LIPA: variants seen among roughly 807,000 people sequenced by gnomAD.
The protein encoded by LIPA is lipase A, lysosomal acid type.
In LIPA, 26 loss-of-function variants were observed where a neutral mutation model predicts 40.6. The observed-to-expected ratio is 0.64, with a 90% CI of 0.47 to 0.89. The LOEUF is 0.89. Ranked by LOEUF, LIPA falls within the 40% of genes least tolerant of loss-of-function variation. The pLI, the probability that LIPA is intolerant of heterozygous loss-of-function variation, is 0.00. For missense variants in LIPA, 455 were observed against 479.6 expected (o/e 0.95, Z 0.48); for synonymous variants, 188 against 168.4 (o/e 1.12, Z -0.90).
At position 89,223,715 on chromosome 10, in the gene LIPA, A is replaced by G. The variant is rs1229953067; in HGVS notation, c.791T>C (p.Leu264Pro). The G allele has an allele frequency of 6.2e-7, 1 of 1,613,122 alleles. No individual in the cohort carries two copies. The highest frequency in any genetic ancestry group is 2.2e-5 in the East Asian group (1 of 44,894). Residue 264 changes from leucine (L) to proline (P), a missense_variant, in exon 7 of 10, where the codon CTG becomes CCG. Coordinates refer to ENST00000336233, the MANE Select transcript of LIPA (RefSeq NM_000235.4). ...KELCGNLCFL[L>P]CGFNERNLNM... is the part of the protein sequence containing the mutation. ...TAAATTTCTCTCATTAAATCCACAC[A>G]GAAGAAAACAGAGATTTCCACAGAG...
intron 1 of LIPA, among the ~76,000 whole-genome samples, chr10:89,321,544 G>A (rs1843572024): frequency 6.6e-6 from 1 of 152,158 alleles, no homozygotes; most frequent in Non-Finnish European, 1.5e-5. Context: ...CCGTTAGAAT[G>A]GCCATCATTA....
At chr10:89,306,527 T>C (rs1843480325) in intron 1 of LIPA, 4 of 1,614,088 alleles carry the variant, frequency 2.5e-6, no homozygotes, top group Non-Finnish European at 3.4e-6. Flanking sequence ...CTGGCCACCA[T>C]CTCAGAACGC....
intron 2 of LIPA, chr10:89,383,259 T>G: frequency 6.9e-7 from 1 of 1,446,776 alleles, no homozygotes; most frequent in Non-Finnish European, 9.5e-7. Context: ...AGTGCTGGCT[T>G]CATTTTCAGT....
At chr10:89,350,232 T>A (rs1036975760) in intron 2 of LIPA, among the ~76,000 whole-genome samples, 2 of 152,018 alleles carry the variant, frequency 1.3e-5, no homozygotes, top group South Asian at 4.2e-4. Flanking sequence ...CAGGAGGATA[T>A]GATATTTATT....
chr10:89,268,985 C>CG (rs1554871614), intron 1 of LIPA, among the ~76,000 whole-genome samples: 10 of 140,014 alleles, frequency 7.1e-5, no homozygotes, highest in African/African-American at 2.7e-4. Flanking sequence ...GACTCTGTCT[C>CG]AAAAAAAAAA....
intron 7 of LIPA, 116 bp from the exon 8 acceptor site, chr10:89,222,698 GTGAGA>G: frequency 1.3e-6 from 1 of 750,422 alleles, no homozygotes; most frequent in Non-Finnish European, 2.4e-6. Flanking sequence ...TCTCAAGTAT[GTGAGA>G]TGAGAGGTAG....
intron 2 of LIPA, among the ~76,000 whole-genome samples, chr10:89,412,395 C>T (rs1408099919): frequency 6.6e-6 from 1 of 152,008 alleles, no homozygotes; most frequent in South Asian, 2.1e-4. Flanking sequence ...AATCAGCACT[C>T]TGTAAAATGG....
intron 2 of LIPA, among the ~76,000 whole-genome samples, chr10:89,374,793 C>T (rs189346655): frequency 6.0e-4 from 92 of 152,318 alleles, no homozygotes; most frequent in African/African-American, 2.1e-3. Context: ...AAAATCTCTT[C>T]TCCCCCTACA....
chr10:89,340,267 GT>G, intron 1 of LIPA: 1 of 941,792 alleles, frequency 1.1e-6, no homozygotes, highest in South Asian at 2.1e-5. Flanking sequence ...TTTTTAAAGA[GT>G]TGTTTTTTGG....
chr10:89,275,600 T>C (rs1843285775), intron 1 of LIPA, among the ~76,000 whole-genome samples: 1 of 152,164 alleles, frequency 6.6e-6, no homozygotes, highest in Non-Finnish European at 1.5e-5. Context: ...TAAGATCAAA[T>C]ACCCAAAAGA....
At chr10:89,238,984 TGAA>T (rs1275272519) in intron 3 of LIPA, among the ~76,000 whole-genome samples, 15 of 152,298 alleles carry the variant, frequency 9.8e-5, no homozygotes, top group African/African-American at 3.1e-4. Context: ...ATAACCACTA[TGAA>T]GAAGGATAGA....
chr10:89,266,541 A>G (rs922019200), intron 1 of LIPA, among the ~76,000 whole-genome samples: 8 of 152,200 alleles, frequency 5.3e-5, no homozygotes, highest in African/African-American at 1.9e-4. Flanking sequence ...TCATGTTTAG[A>G]CTTGGATCCC....
chr10:89,270,999 A>C (rs1214973678), intron 1 of LIPA, among the ~76,000 whole-genome samples: 1 of 152,206 alleles, frequency 6.6e-6, no homozygotes, highest in Non-Finnish European at 1.5e-5. Context: ...CAAACCTTAA[A>C]GTTGAGTGTG....
intron 2 of LIPA, among the ~76,000 whole-genome samples, chr10:89,364,395 T>C (rs754458211): frequency 1.3e-5 from 2 of 152,180 alleles, no homozygotes; most frequent in Non-Finnish European, 2.9e-5. Flanking sequence ...CTTTTTCATA[T>C]GGGCAAAGAT....
chr10:89,287,699 C>T (rs569450137), intron 1 of LIPA, among the ~76,000 whole-genome samples: 35 of 152,210 alleles, frequency 2.3e-4, no homozygotes, highest in South Asian at 4.1e-4. Flanking sequence ...TCCCACAGCA[C>T]GCTTTAAAAA....
At chr10:89,245,187 C>G (rs550779638) in intron 3 of LIPA, among the ~76,000 whole-genome samples, 3 of 152,120 alleles carry the variant, frequency 2.0e-5, no homozygotes, top group Admixed American at 6.5e-5. Flanking sequence ...AAATAAGAAT[C>G]TGTGTGTGTA....
chr10:89,392,686 A>G, intron 2 of LIPA: 1 of 1,614,038 alleles, frequency 6.2e-7, no homozygotes, highest in Non-Finnish European at 8.5e-7. Context: ...AAAACCCTGC[A>G]GAACGGCTGC....
intron 1 of LIPA, chr10:89,339,974 A>G: frequency 3.7e-6 from 6 of 1,614,250 alleles, no homozygotes; most frequent in Non-Finnish European, 5.1e-6. Flanking sequence ...TGTTATGAGA[A>G]GGAACTGGGC....
chr10:89,258,326 T>A (rs147550327), intron 1 of LIPA, among the ~76,000 whole-genome samples: 1,623 of 151,480 alleles, frequency 0.011, 16 homozygotes, highest in African/African-American at 0.033. Context: ...AATATAGGAG[T>A]TCCTGGAAAA....
Sources: gnomAD v4.1 joint callset for allele counts (sites outside exome capture counted in the v4.1 genomes callset) on GRCh38, gnomAD v4.1.1 for gene constraint, MANE v1.5 for transcripts, NCBI Gene and HGNC (gene_info 2026-07-23, HGNC 2026-07-21) for gene names.